Variants in PTK6 observed in about 807,000 individuals in gnomAD.
The protein encoded by PTK6 is protein-tyrosine kinase 6.
In PTK6, 47 loss-of-function variants were observed where a neutral mutation model predicts 47.5. The ratio of observed to expected loss-of-function variants is 0.99; its 90% CI spans 0.78 to 1.26. The LOEUF is 1.26. Ranked by LOEUF, PTK6 falls within the 50% of genes most tolerant of loss-of-function variation. PTK6 has a pLI of 0.00. For missense variants in PTK6, 618 were observed against 625.3 expected (o/e 0.99, Z 0.12); for synonymous variants, 287 against 276.5 (o/e 1.04, Z -0.38).
At chr20:63,536,745 C>T (rs926155860) in intron 1 of PTK6, among the ~76,000 whole-genome samples, 6 of 152,216 alleles carry the variant, frequency 3.9e-5, no homozygotes, top group Admixed American at 6.5e-5. Flanking sequence ...CACTGGCCAC[C>T]GGGCCCCAGA....
chr20:63,529,594 C>G lies in PTK6; in HGVS notation c.1298G>C (p.Cys433Ser). Residue 433 changes from cysteine to serine, a missense_variant, in exon 8 of 8, where the codon TGC becomes TCC. Coordinates refer to ENST00000542869, the MANE Select transcript of PTK6 (RefSeq NM_005975.4). This position sits in a 1 kb window ranked among gnomAD's most constrained non-coding sequence, Gnocchi z 5.6. Reference protein sequence around the residue: ...CWCRDPEQRPCFKALRERLSS... With the variant: ...CWCRDPEQRPSFKALRERLSS... ...GAGCCTCTCCCGCAGGGCCTTGAAG[C>G]AGGGTCTCTGCTCGGGGTCCCTGCA... 1.9e-6 allele frequency: 3 copies of G among 1,570,226 alleles called. No homozygotes were observed.
At chr20:63,534,567 A>T (rs1458528247) in intron 2 of PTK6, among the ~76,000 whole-genome samples, 1 of 152,102 alleles carries the variant, frequency 6.6e-6, no homozygotes, top group Non-Finnish European at 1.5e-5. Flanking sequence ...AGCTGCCTAA[A>T]ATCCCAGCCA....
chr20:63,532,459 G>GT lies in PTK6; in HGVS notation c.832+66_832+67insA, dbSNP rs1261187001. On this transcript the variant is annotated intron_variant, in intron 5 of 7. Coordinates refer to ENST00000542869, the MANE Select transcript of PTK6 (RefSeq NM_005975.4). ...TGTGTGTGTGTAGACGTGGGGGGGG[G>GT]GTGTGCACTTTATTTCCTCACGTGC... is the stretch of plus-strand genomic sequence containing the variant. The GT allele has an allele frequency of 3.0e-3, 4,515 of 1,500,524 alleles. 10 individuals are homozygous for GT. Among genetic ancestry groups the GT allele is most frequent in the Non-Finnish European group, 3.8e-3 (4,223 of 1,109,742 alleles). The allele number at this position is 1,500,524 out of a possible 1,614,324, so 93.0% of individuals were successfully genotyped here.
rs2082608295 is a variant in PTK6 at position 63,530,355 on chromosome 20, A to G, written c.1015-124T>C. ...CGGTGATGACCCCACTGTCTGACCCACGCACGGCCGCTGCAGCTAAGGCCA... is the reference window on the plus strand; with the variant it reads ...CGGTGATGACCCCACTGTCTGACCCGCGCACGGCCGCTGCAGCTAAGGCCA... On this transcript the variant is annotated intron_variant, in intron 6 of 7. Transcript: ENST00000542869. This position sits in a 1 kb window ranked among gnomAD's most constrained non-coding sequence, Gnocchi z 4.1. The G allele has an allele frequency of 7.8e-7, 1 of 1,277,680 alleles. No homozygotes were observed. The highest frequency in any genetic ancestry group is 1.1e-6 in the Non-Finnish European group (1 of 922,614). The allele number at this position is 1,277,680 out of a possible 1,614,324, so 79.1% of individuals were successfully genotyped here. A position where few individuals can be genotyped will look rare whatever the true frequency, so the allele number is the denominator to read the frequency against.
chr20:63,536,630 C>A (rs917393961), intron 1 of PTK6, among the ~76,000 whole-genome samples: 9 of 152,126 alleles, frequency 5.9e-5, no homozygotes, highest in African/African-American at 2.2e-4. Context: ...GCAGCCGGCC[C>A]GCTCCCCTAA....
chr20:63,535,624 G>A (rs1001712918), intron 1 of PTK6, among the ~76,000 whole-genome samples: 4 of 151,900 alleles, frequency 2.6e-5, no homozygotes, highest in Admixed American at 1.3e-4. Flanking sequence ...CCCTTTGTGT[G>A]TCTGACTCCC....
At chr20:63,531,458 AT>A (rs1569010583) in intron 5 of PTK6, among the ~76,000 whole-genome samples, 1,948 of 118,004 alleles carry the variant, frequency 0.017, 195 homozygotes, top group East Asian at 0.058. Flanking sequence ...ATATATATAT[AT>A]ATATAATTAG....
intron 5 of PTK6, among the ~76,000 whole-genome samples, chr20:63,531,461 T>A (rs1236093178): frequency 3.8e-5 from 4 of 104,352 alleles, no homozygotes; most frequent in East Asian, 3.3e-4. Context: ...TATATATATA[T>A]ATAATTAGCT....
chr20:63,533,356 G>A lies in PTK6; in HGVS notation c.670+195C>T, dbSNP rs1239708661. 6.6e-6 allele frequency among the ~76,000 whole-genome samples: 1 copy of A among 152,152 alleles called. No homozygotes were observed. The highest frequency in any genetic ancestry group is 2.1e-4 in the South Asian group (1 of 4,828). On this transcript the variant is annotated intron_variant, in intron 4 of 7. Coordinates refer to ENST00000542869, the MANE Select transcript of PTK6 (RefSeq NM_005975.4). This position sits in a 1 kb window ranked among gnomAD's most constrained non-coding sequence, Gnocchi z 4.0. ...GTGGGGATTACAGATGTGAGCCACCGTGCCCGGCCTAAAATTTTCTTTTAT... is the reference window on the plus strand; with the variant it reads ...GTGGGGATTACAGATGTGAGCCACCATGCCCGGCCTAAAATTTTCTTTTAT...
chr20:63,535,032 C>CGA lies in PTK6; in HGVS notation c.256_257dup (p.Glu87ArgfsTer18). On this transcript the variant is annotated frameshift_variant, in exon 2 of 8. Transcript: ENST00000542869. LOFTEE classifies it high-confidence loss of function. ...CGGCCTGCAGCCGACGCACAGCTTCCGAGCGGGAGATGCAGCCAAAGAACC... is the reference window on the plus strand; with the variant it reads ...CGGCCTGCAGCCGACGCACAGCTTCCGAGAGCGGGAGATGCAGCCAAAGAACC... 3 of 1,605,678 alleles carry CGA rather than the reference C, an allele frequency of 1.9e-6. No homozygotes were observed. Among genetic ancestry groups the CGA allele is most frequent in the Non-Finnish European group, 2.6e-6 (3 of 1,174,656 alleles).
At position 63,530,862 on chromosome 20, in the gene PTK6, T is replaced by A. The variant is rs1231901606; in HGVS notation, c.898A>T (p.Met300Leu). The change falls in exon 6 of 8, where the codon ATG becomes TTG. Residue 300 changes from methionine to leucine, a missense_variant. Coordinates refer to ENST00000542869, the MANE Select transcript of PTK6 (RefSeq NM_005975.4). This position sits in a 1 kb window ranked among gnomAD's most constrained non-coding sequence, Gnocchi z 4.1. ...LDIAWQVAEGMCYLESQNYIH... is the reference protein window; with the variant it reads ...LDIAWQVAEGLCYLESQNYIH... ...TAATTCTGCGACTCCAGGTAACACA[T>A]GCCCTCAGCCACCTGCCAGGCGATG... 1 of 1,613,876 alleles carries A rather than the reference T, an allele frequency of 6.2e-7. No individual in the cohort carries two copies. The highest frequency in any genetic ancestry group is 8.5e-7 in the Non-Finnish European group (1 of 1,179,944).
intron 5 of PTK6, among the ~76,000 whole-genome samples, chr20:63,531,534 G>C (rs1035766709): frequency 1.3e-5 from 2 of 148,314 alleles, no homozygotes; most frequent in Non-Finnish European, 3.0e-5. Flanking sequence ...AGAATCATTT[G>C]AACCCAGGAG....
At chr20:63,532,385 CTGTGTCTGTGTGTGCATGTG>C (rs2082631238) in intron 5 of PTK6, 121 bp downstream of exon 5, 1 of 1,073,718 alleles carries the variant, frequency 9.3e-7, no homozygotes, top group South Asian at 1.6e-5. Flanking sequence ...GTGTCTGTGT[CTGTGTCTGTGTGTGCATGTG>C]TGTGTCTGTG....
At position 63,533,143 on chromosome 20, in the gene PTK6, C is replaced by T. The variant is rs1308364513; in HGVS notation, c.670+408G>A. On this transcript the variant is annotated intron_variant, in intron 4 of 7. Transcript: ENST00000542869. The surrounding 1 kb of genome is among the most constrained non-coding windows in gnomAD (Gnocchi z 4.0). ...AGTGCAATGGCGCGATCTCAGCTCA[C>T]TGCAATCTCCGCCTCCTGGGTTGAA... Among the ~76,000 whole-genome samples the T allele has an allele frequency of 1.3e-5, 2 of 151,786 alleles. No homozygotes were observed. Among genetic ancestry groups the T allele is most frequent in the African/African-American group, 4.9e-5 (2 of 41,198 alleles).
At position 63,530,516 on chromosome 20, in the gene PTK6, G is replaced by C. The variant is rs1343981419; in HGVS notation, c.1014+230C>G. Among the ~76,000 whole-genome samples, 1 of 152,190 alleles carries C rather than the reference G, an allele frequency of 6.6e-6. No individual in the cohort carries two copies. The highest frequency in any genetic ancestry group is 2.4e-5 in the African/African-American group (1 of 41,450). On this transcript the variant is annotated intron_variant, in intron 6 of 7. Coordinates refer to ENST00000542869, the MANE Select transcript of PTK6 (RefSeq NM_005975.4). The surrounding 1 kb of genome is among the most constrained non-coding windows in gnomAD (Gnocchi z 4.1). ...GGCCCAGGGCTGGGCCAGTGAACAAGGCACGTGAACAAGGCAGCGGCTGCG... is the reference window on the plus strand; with the variant it reads ...GGCCCAGGGCTGGGCCAGTGAACAACGCACGTGAACAAGGCAGCGGCTGCG...
intron 1 of PTK6, 86 bp downstream of exon 1, chr20:63,536,999 C>T: frequency 1.4e-6 from 2 of 1,391,192 alleles, no homozygotes; most frequent in Non-Finnish European, 1.9e-6. Context: ...CCTTCTTGGG[C>T]CTCCCTGAGC....
At position 63,537,080 on chromosome 20, in the gene PTK6, C is replaced by A. The variant is rs561998516; in HGVS notation, c.230+5G>T. The A allele has an allele frequency of 6.2e-7, 1 of 1,604,456 alleles. No homozygotes were observed. The highest frequency in any genetic ancestry group is 8.5e-7 in the Non-Finnish European group (1 of 1,176,102). ...CCAAAGCTCCCAGCAGCCTAGGACA[C>A]GCACGGTTCCGACTCCACCGTCTCC... On this transcript the variant is annotated splice_donor_5th_base_variant and intron_variant, in intron 1 of 7. Coordinates refer to ENST00000542869, the MANE Select transcript of PTK6 (RefSeq NM_005975.4).
At position 63,533,780 on chromosome 20, in the gene PTK6, C is replaced by G; in HGVS notation, c.517-76G>C. On this transcript the variant is annotated intron_variant, in intron 3 of 7. Coordinates refer to ENST00000542869, the MANE Select transcript of PTK6 (RefSeq NM_005975.4). This position sits in a 1 kb window ranked among gnomAD's most constrained non-coding sequence, Gnocchi z 4.0. ...CCAGTCTGAAGCCAGCACAGGGAGC[C>G]TGGATTTAGCCTCAGATTTAGGGCC... 1 of 1,527,906 alleles carries G rather than the reference C, an allele frequency of 6.5e-7. No homozygotes were observed. The highest frequency in any genetic ancestry group is 2.0e-5 in the Admixed American group (1 of 49,410). The allele number at this position is 1,527,906 out of a possible 1,614,324, so 94.6% of individuals were successfully genotyped here. A position where few individuals can be genotyped will look rare whatever the true frequency, so the allele number is the denominator to read the frequency against.
chr20:63,536,537 C>T (rs1238576699), intron 1 of PTK6, among the ~76,000 whole-genome samples: 4 of 151,884 alleles, frequency 2.6e-5, no homozygotes, highest in South Asian at 2.1e-4. Context: ...GCCTGAGCTC[C>T]GGGCAGCTGT....
Sources: allele counts gnomAD v4.1 joint callset (sites outside exome capture counted in the v4.1 genomes callset), GRCh38; gene constraint gnomAD v4.1.1; non-coding constraint Gnocchi (gnomAD v3.1); transcripts MANE v1.5; gene names NCBI Gene and HGNC (gene_info 2026-07-23, HGNC 2026-07-21).